The following TRIO variants were observed in gnomAD, a reference collection of about 807,000 sequenced individuals.
TRIO encodes trio Rho guanine nucleotide exchange factor.
TRIO carries 58 observed loss-of-function variants against 351.9 expected under a neutral mutation model. The observed-to-expected ratio is 0.16, with a 90% CI of 0.13 to 0.21. TRIO has a LOEUF of 0.21. Among genes scored for constraint, TRIO ranks in the 10% least tolerant of loss-of-function variants. TRIO has a pLI of 1.00. For synonymous variants in TRIO, 1,758 were observed against 1,595.7 expected, an observed-to-expected ratio of 1.10 and a Z score of -2.42; for missense variants, 3,201 against 4,027.8, an observed-to-expected ratio of 0.79 and a Z score of 5.56.
chr5:14,498,424 C>T lies in TRIO; in HGVS notation c.8211-95C>T, dbSNP rs927363463. ...GTACAGCTCCTCATCAGCACTTGAG[C>T]TCCTGCCTTCCCTTGATCCTGAAGG... is the stretch of plus-strand genomic sequence containing the variant. On this transcript the variant is annotated intron_variant, in intron 52 of 56. Transcript: ENST00000344204. 11 of 1,530,294 alleles carry T rather than the reference C, an allele frequency of 7.2e-6. No individual in the cohort carries two copies. In the Admixed American group the frequency reaches 7.9e-5, roughly 11 times the overall value. The allele number at this position is 1,530,294 out of a possible 1,614,324, so 94.8% of individuals were successfully genotyped here.
intron 8 of TRIO, among the ~76,000 whole-genome samples, chr5:14,309,340 G>T (rs997378400): frequency 1.3e-5 from 2 of 151,848 alleles, no homozygotes; most frequent in Admixed American, 6.6e-5. Flanking sequence ...ATTCTGTCTG[G>T]GTTCTCCACC....
intron 1 of TRIO, among the ~76,000 whole-genome samples, chr5:14,201,278 T>A (rs981260244): frequency 5.4e-4 from 82 of 152,226 alleles, no homozygotes; most frequent in African/African-American, 1.9e-3. Flanking sequence ...AAAAAATAAA[T>A]AAAAAATAAA....
chr5:14,474,816 G>A (rs892804619), intron 40 of TRIO, among the ~76,000 whole-genome samples: 13 of 152,072 alleles, frequency 8.5e-5, no homozygotes, highest in African/African-American at 3.1e-4. Flanking sequence ...GGGCCTACAG[G>A]CACGCAGCAC....
chr5:14,437,682 G>GCCC (rs1751692093), intron 34 of TRIO, among the ~76,000 whole-genome samples: 1 of 129,236 alleles, frequency 7.7e-6, no homozygotes, highest in African/African-American at 3.4e-5. Flanking sequence ...ATTGGATGAG[G>GCCC]ACCACCCCCC....
At chr5:14,399,792 C>T (rs1345401779) in intron 30 of TRIO, among the ~76,000 whole-genome samples, 1 of 152,150 alleles carries the variant, frequency 6.6e-6, no homozygotes, top group East Asian at 1.9e-4. Context: ...ACTTAGTGGG[C>T]CGTTTCTCAG....
intron 34 of TRIO, among the ~76,000 whole-genome samples, chr5:14,447,144 A>G (rs1330055184): frequency 1.3e-5 from 2 of 152,198 alleles, no homozygotes; most frequent in Non-Finnish European, 2.9e-5. Context: ...AGGCAGGAGA[A>G]TCACTTGAAC....
intron 2 of TRIO, among the ~76,000 whole-genome samples, chr5:14,276,051 T>G (rs1735494923): frequency 2.6e-5 from 1 of 38,650 alleles, no homozygotes; most frequent in African/African-American, 6.3e-5. Flanking sequence ...GGACATTTGT[T>G]TTTTTTTTTT....
At chr5:14,490,465 A>T (rs1200109580) in intron 48 of TRIO, among the ~76,000 whole-genome samples, 1 of 152,236 alleles carries the variant, frequency 6.6e-6, no homozygotes, top group African/African-American at 2.4e-5. Context: ...CAGGAGTGAC[A>T]TGGATGTGGA....
At chr5:14,253,342 T>C (rs541534019) in intron 1 of TRIO, among the ~76,000 whole-genome samples, 18 of 152,330 alleles carry the variant, frequency 1.2e-4, no homozygotes, top group Admixed American at 8.5e-4. Context: ...TGAAATTCTT[T>C]AGTGATAGGA....
intron 13 of TRIO, among the ~76,000 whole-genome samples, chr5:14,363,291 C>A (rs1169488833): frequency 6.6e-6 from 1 of 152,202 alleles, no homozygotes; most frequent in Non-Finnish European, 1.5e-5. Context: ...TGAGCCACCA[C>A]CCCCAGCCGA....
intron 34 of TRIO, among the ~76,000 whole-genome samples, chr5:14,459,072 T>A (rs2126483823): frequency 6.6e-6 from 1 of 152,358 alleles, no homozygotes; most frequent in East Asian, 1.9e-4. Flanking sequence ...AGTTTGCCTC[T>A]GAGAAAAATC....
intron 47 of TRIO, among the ~76,000 whole-genome samples, chr5:14,486,408 G>A (rs1030390647): frequency 1.6e-4 from 25 of 152,178 alleles, no homozygotes; most frequent in African/African-American, 6.0e-4. Flanking sequence ...TGTGCTGCCT[G>A]GGTGTTAACT....
At chr5:14,439,961 T>C (rs896360152) in intron 34 of TRIO, among the ~76,000 whole-genome samples, 1 of 152,218 alleles carries the variant, frequency 6.6e-6, no homozygotes, top group Non-Finnish European at 1.5e-5. Context: ...CTGTGCTGTT[T>C]TCACGTTCTT....
intron 18 of TRIO, among the ~76,000 whole-genome samples, chr5:14,373,374 C>T (rs963931838): frequency 6.6e-5 from 10 of 152,164 alleles, no homozygotes; most frequent in African/African-American, 2.4e-4. Context: ...CCCCAAAGCC[C>T]TGACCATCCC....
rs1790892606 is a variant in TRIO, at chr5:14,198,228, T to C, written c.157+54346T>C. Reference sequence around the variant, plus strand: ...ATAGCATGTATTTTATAAAAATTGGTTTATACTGTACATTCTATCTTGTGA... The same window carrying C: ...ATAGCATGTATTTTATAAAAATTGGCTTATACTGTACATTCTATCTTGTGA... On this transcript the variant is annotated intron_variant, in intron 1 of 56. Coordinates refer to ENST00000344204, the MANE Select transcript of TRIO (RefSeq NM_007118.4). 2.6e-5 allele frequency among the ~76,000 whole-genome samples: 4 copies of C among 152,294 alleles called. No individual in the cohort carries two copies. The South Asian group carries it at 6.2e-4, about 24-fold the overall frequency.
intron 1 of TRIO, among the ~76,000 whole-genome samples, chr5:14,262,106 G>A (rs563863421): frequency 4.6e-5 from 7 of 152,204 alleles, no homozygotes; most frequent in African/African-American, 1.2e-4. Flanking sequence ...CTGCGCCATG[G>A]CAGTCTGCTC....
chr5:14,186,640 C>T (rs1790129041), intron 1 of TRIO, among the ~76,000 whole-genome samples: 1 of 151,860 alleles, frequency 6.6e-6, no homozygotes, highest in Non-Finnish European at 1.5e-5. Flanking sequence ...TGCAGTGGTG[C>T]AGTCTTGGCT....
At chr5:14,232,080 A>G (rs1050695415) in intron 1 of TRIO, among the ~76,000 whole-genome samples, 9 of 152,190 alleles carry the variant, frequency 5.9e-5, no homozygotes, top group Non-Finnish European at 8.8e-5. Context: ...ATGACAGCCC[A>G]TGGAGGGTAG....
chr5:14,406,161 A>ATAAGAG, intron 32 of TRIO, 171 bp downstream of exon 32: 1 of 1,009,348 alleles, frequency 9.9e-7, no homozygotes, highest in Non-Finnish European at 1.4e-6. Flanking sequence ...TTTGTCAGAG[A>ATAAGAG]TAAGAGCCTC....
Sources: allele counts gnomAD v4.1 joint callset (sites outside exome capture counted in the v4.1 genomes callset), GRCh38; gene constraint gnomAD v4.1.1; transcripts MANE v1.5; gene names NCBI Gene and HGNC (gene_info 2026-07-23, HGNC 2026-07-21).